CNOT4: variants seen among roughly 807,000 people sequenced by gnomAD.
The protein encoded by CNOT4 is CCR4-NOT transcription complex subunit 4.
CNOT4 carries 8 observed loss-of-function variants against 73.8 expected under a neutral mutation model. The observed-to-expected ratio is 0.11, with a 90% CI of 0.06 to 0.20. The LOEUF (loss-of-function observed/expected upper bound fraction) is 0.20, where lower values mean the gene tolerates loss of function less well. CNOT4 is among the 10% of genes least tolerant of loss of function. The pLI, the probability that CNOT4 is intolerant of heterozygous loss-of-function variation, is 1.00. For missense variants in CNOT4, 564 were observed against 883.4 expected, an observed-to-expected ratio of 0.64 and a Z score of 4.58; for synonymous variants, 293 against 321.1, an observed-to-expected ratio of 0.91 and a Z score of 0.94.
At chr7:135,434,266 T>G (rs868134340) in intron 2 of CNOT4, among the ~76,000 whole-genome samples, 1 of 152,200 alleles carries the variant, frequency 6.6e-6, no homozygotes, top group African/African-American at 2.4e-5. Flanking sequence ...AAGACTTGCT[T>G]GACTCCGACC....
At chr7:135,505,742 A>C (rs1038181790) in intron 1 of CNOT4, among the ~76,000 whole-genome samples, 5 of 152,184 alleles carry the variant, frequency 3.3e-5, no homozygotes, top group Admixed American at 6.6e-5. Context: ...GCTAAAATCT[A>C]AGTACTAAAA....
At chr7:135,426,602 C>CA (rs35332719) in intron 2 of CNOT4, among the ~76,000 whole-genome samples, 1,688 of 110,948 alleles carry the variant, frequency 0.015, 36 homozygotes, top group African/African-American at 0.051. Flanking sequence ...GACTCCGTCT[C>CA]AAAAAAAAAA....
intron 7 of CNOT4, among the ~76,000 whole-genome samples, chr7:135,407,006 A>T (rs1478824887): frequency 6.6e-6 from 1 of 152,218 alleles, no homozygotes; most frequent in Non-Finnish European, 1.5e-5. Context: ...CATTTGAATC[A>T]TGGGGGTGGA....
rs187547418 is a variant in CNOT4 at position 135,463,304 on chromosome 7, G to A, written c.-92-24881C>T. 5.3e-4 allele frequency among the ~76,000 whole-genome samples: 81 copies of A among 152,254 alleles called. 2 individuals are homozygous for A. The East Asian group carries it at 0.014, about 27-fold the overall frequency. The stretch of plus-strand genomic sequence containing the variant: ...TGTAATCCCAGCACTTTGGGAGGCC[G>A]AGGCGAGTAGATCACCTGAGGTCAG... On this transcript the variant is annotated intron_variant, in intron 1 of 11. Coordinates refer to ENST00000541284, the MANE Select transcript of CNOT4 (RefSeq NM_001190850.2).
At chr7:135,468,975 T>C (rs960465006) in intron 1 of CNOT4, among the ~76,000 whole-genome samples, 14 of 152,128 alleles carry the variant, frequency 9.2e-5, no homozygotes, top group Non-Finnish European at 1.9e-4. Context: ...AAGCAGCATG[T>C]GAAGACCACA....
chr7:135,430,052 G>A (rs1585631110), intron 2 of CNOT4, among the ~76,000 whole-genome samples: 1 of 152,138 alleles, frequency 6.6e-6, no homozygotes. Flanking sequence ...TCTTTCCAAC[G>A]AAGATACCTA....
intron 10 of CNOT4, among the ~76,000 whole-genome samples, chr7:135,381,893 G>A (rs1439706472): frequency 3.3e-5 from 5 of 152,198 alleles, no homozygotes; most frequent in African/African-American, 1.2e-4. Context: ...ACAATAGTGG[G>A]TCTGAGCACC....
chr7:135,413,299 C>T (rs1338698499), intron 6 of CNOT4, among the ~76,000 whole-genome samples, 189 bp downstream of exon 6: 2 of 151,984 alleles, frequency 1.3e-5, no homozygotes, highest in African/African-American at 4.8e-5. Context: ...TGACCACAGA[C>T]ACATTTTTAT....
intron 2 of CNOT4, among the ~76,000 whole-genome samples, chr7:135,427,070 G>A (rs560847537): frequency 6.6e-6 from 1 of 152,112 alleles, no homozygotes; most frequent in East Asian, 1.9e-4. Flanking sequence ...TCAAACTAAT[G>A]CAAAATAGGT....
At chr7:135,451,234 C>T (rs1363276044) in intron 1 of CNOT4, among the ~76,000 whole-genome samples, 1 of 152,166 alleles carries the variant, frequency 6.6e-6, no homozygotes, top group Non-Finnish European at 1.5e-5. Flanking sequence ...TAAATCTGTA[C>T]ATACTAACAT....
chr7:135,498,293 T>C (rs1803726297), intron 1 of CNOT4, among the ~76,000 whole-genome samples: 1 of 152,284 alleles, frequency 6.6e-6, no homozygotes, highest in African/African-American at 2.4e-5. Context: ...GAACAATATT[T>C]CCTCTAATAT....
chr7:135,366,725 G>A (rs1428464358), intron 10 of CNOT4, among the ~76,000 whole-genome samples: 1 of 152,158 alleles, frequency 6.6e-6, no homozygotes, highest in Non-Finnish European at 1.5e-5. Context: ...TTAGCTCTTG[G>A]AATAGGATCA....
chr7:135,443,533 T>C (rs557299975), intron 1 of CNOT4, among the ~76,000 whole-genome samples: 2 of 152,326 alleles, frequency 1.3e-5, no homozygotes, highest in African/African-American at 4.8e-5. Context: ...GAAGTCACGA[T>C]TACTGATGTT....
chr7:135,407,100 T>C (rs1167340944), intron 7 of CNOT4, among the ~76,000 whole-genome samples: 1 of 152,074 alleles, frequency 6.6e-6, no homozygotes, highest in Non-Finnish European at 1.5e-5. Flanking sequence ...CATTTAAAAG[T>C]GTGTGGTACC....
chr7:135,473,887 G>C (rs1179174749), intron 1 of CNOT4, among the ~76,000 whole-genome samples: 4 of 152,074 alleles, frequency 2.6e-5, no homozygotes. Flanking sequence ...TCCAAGAGTA[G>C]AATAGTACTG....
intron 10 of CNOT4, among the ~76,000 whole-genome samples, chr7:135,374,896 T>C (rs899632376): frequency 3.3e-5 from 5 of 152,154 alleles, no homozygotes; most frequent in African/African-American, 1.2e-4. Flanking sequence ...TGGTTTTACT[T>C]AAATAGGCTT....
chr7:135,453,913 G>T (rs1364035284), intron 1 of CNOT4, among the ~76,000 whole-genome samples: 1 of 142,232 alleles, frequency 7.0e-6, no homozygotes, highest in Non-Finnish European at 1.5e-5. Flanking sequence ...CAAGGCAGGT[G>T]GATCGCTTGA....
At chr7:135,509,348 G>T (rs991410758) in intron 1 of CNOT4, among the ~76,000 whole-genome samples, 1 of 152,064 alleles carries the variant, frequency 6.6e-6, no homozygotes, top group Admixed American at 6.6e-5. Flanking sequence ...AGCACCAGAG[G>T]GGGGCAAAGG....
chr7:135,467,811 G>C (rs1236851258), intron 1 of CNOT4, among the ~76,000 whole-genome samples: 2 of 152,180 alleles, frequency 1.3e-5, no homozygotes, highest in African/African-American at 4.8e-5. Flanking sequence ...AAAGAACAGA[G>C]AGAAAACAAG....
Sources: allele counts gnomAD v4.1 joint callset (sites outside exome capture counted in the v4.1 genomes callset), GRCh38; gene constraint gnomAD v4.1.1; transcripts MANE v1.5; gene names NCBI Gene and HGNC (gene_info 2026-07-23, HGNC 2026-07-21).